RGS8: variants seen among roughly 807,000 people sequenced by gnomAD.
RGS8 encodes the protein regulator of G protein signaling 8.
Under a neutral mutation model 21.7 loss-of-function variants are expected in RGS8, and 8 were observed. The ratio of observed to expected loss-of-function variants is 0.37; its 90% CI spans 0.22 to 0.66. RGS8 has a LOEUF of 0.66. RGS8 is among the 30% of genes least tolerant of loss of function. The pLI is 0.59. For missense variants in RGS8, 157 were observed against 217.9 expected (o/e 0.72, Z 1.76); for synonymous variants, 80 against 83.6 (o/e 0.96, Z 0.24).
At chr1:182,715,419 G>C in the RGS8 span, among the ~76,000 whole-genome samples, 2 of 152,138 alleles carry the variant, frequency 1.3e-5, no homozygotes, top group Non-Finnish European at 2.9e-5. Flanking sequence ...CTTCTTCTCA[G>C]GTCCTATAGG....
At chr1:182,738,480 C>T in the RGS8 span, among the ~76,000 whole-genome samples, 2 of 152,046 alleles carry the variant, frequency 1.3e-5, no homozygotes, top group African/African-American at 4.8e-5. Context: ...TTAGGCTTAT[C>T]ATTTTAGATT....
At chr1:182,676,047 C>T (rs1384778866), upstream of RGS8, among the ~76,000 whole-genome samples, 1 of 152,166 alleles carries the variant, frequency 6.6e-6, no homozygotes, top group African/African-American at 2.4e-5. Flanking sequence ...CTGGTCAAGA[C>T]TGAAGTCAAC....
chr1:182,660,714 T>C (rs1340939571), intron 5 of RGS8, among the ~76,000 whole-genome samples: 1 of 150,738 alleles, frequency 6.6e-6, no homozygotes, highest in African/African-American at 2.4e-5. Context: ...CCCACCAGGA[T>C]GCTCCAGACT....
chr1:182,712,732 T>A, the RGS8 span: 1 of 152,196 alleles, frequency 6.6e-6, no homozygotes, highest in African/African-American at 2.4e-5. Context: ...AAAGTTGGTA[T>A]CAGAACAAAC....
chr1:182,665,687 C>T (rs1663822338), intron 5 of RGS8, among the ~76,000 whole-genome samples: 1 of 152,194 alleles, frequency 6.6e-6, no homozygotes, highest in Non-Finnish European at 1.5e-5. Context: ...ATTCCAAACC[C>T]CTAAGCTAAA....
intron 5 of RGS8, 122 bp downstream of exon 6, chr1:182,665,847 G>T (rs934120993): frequency 4.3e-6 from 3 of 702,872 alleles, no homozygotes; most frequent in Non-Finnish European, 7.4e-6. Flanking sequence ...CTCTGTGAGA[G>T]CGGGGCCCAC....
At chr1:182,692,589 C>A in the RGS8 span, among the ~76,000 whole-genome samples, 1 of 148,796 alleles carries the variant, frequency 6.7e-6, no homozygotes, top group Non-Finnish European at 1.5e-5. Flanking sequence ...TATCAAACTA[C>A]CAATGATATT....
At chr1:182,689,268 C>CACAG (rs1362519816), upstream of RGS8, among the ~76,000 whole-genome samples, 1 of 92,094 alleles carries the variant, frequency 1.1e-5, no homozygotes, top group African/African-American at 4.4e-5. Flanking sequence ...CACACAGACA[C>CACAG]ACACACACAC....
chr1:182,710,629 G>A, the RGS8 span, among the ~76,000 whole-genome samples: 1 of 152,072 alleles, frequency 6.6e-6, no homozygotes, highest in African/African-American at 2.4e-5. Context: ...TGCATGTAAT[G>A]GGGAATAGGT....
At chr1:182,653,839 A>C (rs1309925621) in intron 5 of RGS8, among the ~76,000 whole-genome samples, 1 of 152,252 alleles carries the variant, frequency 6.6e-6, no homozygotes, top group African/African-American at 2.4e-5. Flanking sequence ...GGTAGAAGAA[A>C]TAGGATGAGG....
chr1:182,724,024 C>T, the RGS8 span, among the ~76,000 whole-genome samples: 2,229 of 151,160 alleles, frequency 0.015, 25 homozygotes, highest in Middle Eastern at 0.034. Context: ...TTGAAGTATG[C>T]AAAATATTGA....
At chr1:182,675,044 T>G (rs1450671824), upstream of RGS8, among the ~76,000 whole-genome samples, 2 of 152,188 alleles carry the variant, frequency 1.3e-5, no homozygotes, top group Non-Finnish European at 2.9e-5. Flanking sequence ...AGAGGTTTGC[T>G]GGACAGTTCC....
chr1:182,734,194 C>T, the RGS8 span, among the ~76,000 whole-genome samples: 97,533 of 151,952 alleles, frequency 0.64, 31,757 homozygotes, highest in African/African-American at 0.76. Flanking sequence ...GTGCTGGGAT[C>T]ACAGGCATGA....
At chr1:182,690,602 A>G in the RGS8 span, among the ~76,000 whole-genome samples, 1 of 152,240 alleles carries the variant, frequency 6.6e-6, no homozygotes, top group Non-Finnish European at 1.5e-5. Context: ...ATTTGTTCCC[A>G]ACTCTACAAT....
intron 5 of RGS8, among the ~76,000 whole-genome samples, chr1:182,656,727 T>C (rs1293819666): frequency 6.6e-6 from 1 of 152,072 alleles, no homozygotes; most frequent in Non-Finnish European, 1.5e-5. Context: ...GCTTGAGAGA[T>C]GGGAAAGGAG....
At chr1:182,743,856 A>C in the RGS8 span, among the ~76,000 whole-genome samples, 6 of 152,226 alleles carry the variant, frequency 3.9e-5, no homozygotes, top group Admixed American at 3.9e-4. Flanking sequence ...ACATACACAT[A>C]CCCACACACA....
chr1:182,691,771 C>T, the RGS8 span, among the ~76,000 whole-genome samples: 2 of 152,052 alleles, frequency 1.3e-5, no homozygotes, highest in South Asian at 4.1e-4. Flanking sequence ...GACAATGATG[C>T]CCGCTCTCAC....
the RGS8 span, among the ~76,000 whole-genome samples, chr1:182,704,393 G>A: frequency 1.2e-3 from 188 of 152,270 alleles, 3 homozygotes; most frequent in East Asian, 9.5e-3. Context: ...GGCAGGCCCC[G>A]TCATAAGCCC....
In RGS8 at chr1:182,669,665, C is replaced by G. The variant is rs781159385; in HGVS notation, c.-16G>C. On this transcript the variant is annotated 5_prime_UTR_variant, in exon 3 of 7. Coordinates refer to ENST00000483095, the Ensembl canonical transcript of RGS8. Reference sequence around the variant, plus strand: ...AGGCCGCCATACAGGCATCAGCTTACGGTTAACCCTTGGGCTGGTATGCAG... The same window carrying G: ...AGGCCGCCATACAGGCATCAGCTTAGGGTTAACCCTTGGGCTGGTATGCAG... 6 of 1,614,070 alleles carry G rather than the reference C, an allele frequency of 3.7e-6. No homozygotes were observed. The Admixed American group carries it at 1.0e-4, about 27-fold the overall frequency.
Sources: allele counts gnomAD v4.1 joint callset (sites outside exome capture counted in the v4.1 genomes callset), GRCh38; gene constraint gnomAD v4.1.1; transcripts MANE v1.5; gene names NCBI Gene and HGNC (gene_info 2026-07-23, HGNC 2026-07-21).